Variants in KDM1B observed in about 807,000 individuals in gnomAD.
KDM1B encodes the protein lysine-specific histone demethylase 2.
A neutral mutation model predicts 107.4 loss-of-function variants in KDM1B; 63 were observed. The ratio of observed to expected loss-of-function variants is 0.59; its 90% CI spans 0.48 to 0.72. KDM1B has a LOEUF of 0.72. Among genes scored for constraint, KDM1B ranks in the 30% least tolerant of loss-of-function variants. The pLI is 0.00. For missense variants in KDM1B, 749 were observed against 1,020.8 expected, an observed-to-expected ratio of 0.73 and a Z score of 3.63; for synonymous variants, 363 against 363.9, an observed-to-expected ratio of 1.00 and a Z score of 0.03.
chr6:18,158,653 A>G (rs1007375386), intron 2 of KDM1B, among the ~76,000 whole-genome samples: 1 of 152,206 alleles, frequency 6.6e-6, no homozygotes, highest in Admixed American at 6.5e-5. Context: ...AATCCAATAG[A>G]TCAAGGAAGG....
chr6:18,217,936 TC>T (rs1357726056), intron 21 of KDM1B, 51 bp downstream of exon 21: 1 of 1,574,012 alleles, frequency 6.4e-7, no homozygotes, highest in African/African-American at 1.4e-5. Context: ...TTTCTGTCTT[TC>T]ATCTAAAATG....
intron 7 of KDM1B, among the ~76,000 whole-genome samples, chr6:18,178,980 T>C (rs546568365): frequency 6.6e-6 from 1 of 152,324 alleles, no homozygotes; most frequent in Non-Finnish European, 1.5e-5. Flanking sequence ...CAGACAACCT[T>C]GCCTTGTTCC....
intron 16 of KDM1B, among the ~76,000 whole-genome samples, chr6:18,207,803 A>G (rs1788492203): frequency 6.6e-6 from 1 of 152,090 alleles, no homozygotes. Flanking sequence ...AGTTATTTTC[A>G]CTTTAAAATT....
chr6:18,217,161 T>G (rs1789300681), intron 20 of KDM1B, among the ~76,000 whole-genome samples: 1 of 151,112 alleles, frequency 6.6e-6, no homozygotes, highest in Non-Finnish European at 1.5e-5. Flanking sequence ...AGAGGGAGAG[T>G]GTGTCCCGGG....
At position 18,172,928 on chromosome 6, in the gene KDM1B, A is replaced by G. The variant is rs1785749514; in HGVS notation, c.534+1449A>G. 6.6e-6 allele frequency among the ~76,000 whole-genome samples: 1 copy of G among 151,954 alleles called. No homozygotes were observed. Among genetic ancestry groups the G allele is most frequent in the Non-Finnish European group, 1.5e-5 (1 of 68,008 alleles). On this transcript the variant is annotated intron_variant, in intron 7 of 21. Transcript: ENST00000650836. The surrounding 1 kb of genome is among the most constrained non-coding windows in gnomAD (Gnocchi z 5.2). ...AACATGTTGAAACCCTGTCTCTAGTAAAAATATAAAAATTAGCCCAGTGTG... is the reference window on the plus strand; with the variant it reads ...AACATGTTGAAACCCTGTCTCTAGTGAAAATATAAAAATTAGCCCAGTGTG...
At position 18,207,512 on chromosome 6, in the gene KDM1B, A is replaced by T. The variant is rs1252430727; in HGVS notation, c.1774A>T (p.Ile592Phe). ...TGAAAAACTGGCAGAAGGGCTTGAC[A>T]TTCAACTCAAATCTCCAGTGAGTAT... ...IIEKLAEGLDIQLKSPVQCID... is the reference protein window; with the variant it reads ...IIEKLAEGLDFQLKSPVQCID... The change falls in exon 16 of 22, where the codon ATT becomes TTT. Residue 592 changes from isoleucine (I) to phenylalanine (F), a missense_variant. Coordinates refer to ENST00000650836, the MANE Select transcript of KDM1B (RefSeq NM_001364614.2). 1 of 1,614,204 alleles carries T rather than the reference A, an allele frequency of 6.2e-7. No homozygotes were observed. Among genetic ancestry groups the T allele is most frequent in the Middle Eastern group, 1.7e-4 (1 of 6,060 alleles).
Position 18,212,453 on chromosome 6 carries a change from CTGTT to C in KDM1B, c.1867-26_1867-23del, listed in dbSNP as rs757244186. The C allele has an allele frequency of 5.8e-5, 72 of 1,238,330 alleles. No homozygotes were observed. The African/African-American group carries it at 6.8e-4, about 12-fold the overall frequency. The allele number at this position is 1,238,330 out of a possible 1,614,324, so 76.7% of individuals were successfully genotyped here. ...GTAGTGGTAGTGTGAGGTTCTGTTG[CTGTT>C]TGTTTGTTAACTGTTAATTATTTTC... On this transcript the variant is annotated intron_variant, in intron 17 of 21. Transcript: ENST00000650836. This position sits in a 1 kb window ranked among gnomAD's most constrained non-coding sequence, Gnocchi z 5.2.
At chr6:18,156,395 C>T (rs904480901) in intron 2 of KDM1B, among the ~76,000 whole-genome samples, 1 of 152,116 alleles carries the variant, frequency 6.6e-6, no homozygotes, top group African/African-American at 2.4e-5. Context: ...TGCAGGACTC[C>T]CCAGTCCACT....
intron 2 of KDM1B, among the ~76,000 whole-genome samples, chr6:18,156,821 G>A (rs1784640844): frequency 6.6e-6 from 1 of 152,014 alleles, no homozygotes; most frequent in Non-Finnish European, 1.5e-5. Context: ...GGAGGCTGAG[G>A]CAGAAGAATC....
rs1788942174 is a variant in KDM1B at position 18,212,756 on chromosome 6, A to G, written c.1983+152A>G. Reference sequence around the variant, plus strand: ...TTGAGTAATTGTTCGTGAAGAACACAGAAGAATATTATCAAAACGAAAGGA... The same window carrying G: ...TTGAGTAATTGTTCGTGAAGAACACGGAAGAATATTATCAAAACGAAAGGA... On this transcript the variant is annotated intron_variant, in intron 18 of 21. Transcript: ENST00000650836. The surrounding 1 kb of genome is among the most constrained non-coding windows in gnomAD (Gnocchi z 5.2). 6.1e-6 allele frequency: 4 copies of G among 655,706 alleles called. No homozygotes were observed. Among genetic ancestry groups the G allele is most frequent in the South Asian group, 5.5e-5 (3 of 54,894 alleles). 40.6% of individuals were successfully genotyped at this position (655,706 alleles called of 1,614,324 possible).
chr6:18,193,627 T>C (rs536505322), intron 10 of KDM1B, among the ~76,000 whole-genome samples: 1 of 152,082 alleles, frequency 6.6e-6, no homozygotes, highest in Non-Finnish European at 1.5e-5. Context: ...TTAAACTTCA[T>C]GAATACAAAC....
At chr6:18,221,152 C>T (rs1322486959) in intron 21 of KDM1B, among the ~76,000 whole-genome samples, 1 of 152,134 alleles carries the variant, frequency 6.6e-6, no homozygotes, top group East Asian at 1.9e-4. Flanking sequence ...AAGCCTTTGG[C>T]CCCTGGATGT....
intron 7 of KDM1B, among the ~76,000 whole-genome samples, chr6:18,177,901 C>G (rs1014240978): frequency 6.6e-6 from 1 of 152,182 alleles, no homozygotes; most frequent in South Asian, 2.1e-4. Flanking sequence ...TGGTTCCTTA[C>G]AGAAAATGTT....
intron 7 of KDM1B, among the ~76,000 whole-genome samples, chr6:18,174,373 T>G (rs562728162): frequency 6.6e-6 from 1 of 152,202 alleles, no homozygotes; most frequent in Non-Finnish European, 1.5e-5. Flanking sequence ...ATGGGTCATT[T>G]GGAGAAGTGA....
chr6:18,208,605 A>ATATATATATG (rs1554149822), intron 17 of KDM1B, among the ~76,000 whole-genome samples: 8 of 11,484 alleles, frequency 7.0e-4, no homozygotes, highest in African/African-American at 1.8e-3. Context: ...ATGTGTATGT[A>ATATATATATG]TATATATATA....
At chr6:18,178,456 G>A (rs763768882) in intron 7 of KDM1B, among the ~76,000 whole-genome samples, 1 of 148,446 alleles carries the variant, frequency 6.7e-6, no homozygotes, top group African/African-American at 2.5e-5. Context: ...GCAATGGCAC[G>A]ATCTCGGCTC....
At chr6:18,164,156 C>G (rs1785141879) in intron 5 of KDM1B, among the ~76,000 whole-genome samples, 1 of 151,916 alleles carries the variant, frequency 6.6e-6, no homozygotes, top group African/African-American at 2.4e-5. Flanking sequence ...GAGATGGAGT[C>G]TCGCTCTGTT....
At position 18,222,102 on chromosome 6, in the gene KDM1B, T is replaced by A. The variant is rs1789801649; in HGVS notation, c.*110T>A. On this transcript the variant is annotated 3_prime_UTR_variant, in exon 22 of 22. Coordinates refer to ENST00000650836, the MANE Select transcript of KDM1B (RefSeq NM_001364614.2). ...AAAAACCGTCTCTACATAGTAAAAC[T>A]GAAATGTTTCTAAGGCGATATGATA... 2.1e-6 allele frequency: 2 copies of A among 974,564 alleles called. No individual in the cohort carries two copies. Among genetic ancestry groups the A allele is most frequent in the Non-Finnish European group, 3.3e-6 (2 of 603,296 alleles). 60.4% of individuals were successfully genotyped at this position (974,564 alleles called of 1,614,324 possible). A position where few individuals can be genotyped will look rare whatever the true frequency, so the allele number is the denominator to read the frequency against.
intron 10 of KDM1B, among the ~76,000 whole-genome samples, chr6:18,192,914 T>C (rs1787375282): frequency 6.6e-6 from 1 of 152,008 alleles, no homozygotes; most frequent in Non-Finnish European, 1.5e-5. Flanking sequence ...GTATACCGGC[T>C]GGGCGCGGTG....
Sources: gnomAD v4.1 joint callset for allele counts (sites outside exome capture counted in the v4.1 genomes callset) on GRCh38, gnomAD v4.1.1 for gene constraint, Gnocchi (gnomAD v3.1) non-coding constraint, MANE v1.5 for transcripts, NCBI Gene and HGNC (gene_info 2026-07-23, HGNC 2026-07-21) for gene names.